Variants in DIP2C observed in about 807,000 individuals in gnomAD.
DIP2C encodes DIP2 acetate--CoA ligase C (putative).
Under a neutral mutation model 192.4 loss-of-function variants are expected in DIP2C, and 33 were observed. The ratio of observed to expected loss-of-function variants is 0.17; its 90% CI spans 0.13 to 0.23. The LOEUF (loss-of-function observed/expected upper bound fraction) is 0.23, where lower values mean the gene tolerates loss of function less well. DIP2C is among the 10% of genes least tolerant of loss of function. The pLI is 1.00. For synonymous variants in DIP2C, 979 were observed against 864.1 expected (o/e 1.13, Z -2.33); for missense variants, 1,537 against 2,110.1 (o/e 0.73, Z 5.32).
At chr10:290,192 G>C (rs1955419362) in intron 32 of DIP2C, among the ~76,000 whole-genome samples, 1 of 152,212 alleles carries the variant, frequency 6.6e-6, no homozygotes, top group African/African-American at 2.4e-5. Flanking sequence ...TAACTCTGTG[G>C]TGTCTGTCTT....
chr10:542,321 A>C (rs1455364949), intron 1 of DIP2C, among the ~76,000 whole-genome samples: 1 of 152,170 alleles, frequency 6.6e-6, no homozygotes, highest in Non-Finnish European at 1.5e-5. Context: ...CATGTCCCTC[A>C]ACAGATGCTC....
At chr10:472,698 G>A (rs543905476) in intron 2 of DIP2C, 149 bp from the exon 3 acceptor site, 175 of 665,790 alleles carry the variant, frequency 2.6e-4, no homozygotes, top group Non-Finnish European at 9.2e-5. Flanking sequence ...ACAGACAGGA[G>A]GGCCAGGACT....
At chr10:323,756 T>C (rs939708338) in intron 31 of DIP2C, among the ~76,000 whole-genome samples, 2 of 152,238 alleles carry the variant, frequency 1.3e-5, no homozygotes, top group African/African-American at 4.8e-5. Context: ...ATTCAATGTA[T>C]AGAAAATTCA....
chr10:449,400 C>T (rs1968645518), intron 3 of DIP2C, among the ~76,000 whole-genome samples: 1 of 152,050 alleles, frequency 6.6e-6, no homozygotes. Context: ...TTTTTAGTGA[C>T]TGCGGCTATC....
intron 1 of DIP2C, among the ~76,000 whole-genome samples, chr10:687,476 C>T (rs1403160774): frequency 6.6e-6 from 1 of 152,322 alleles, no homozygotes; most frequent in African/African-American, 2.4e-5. Context: ...ACCCTTTCTT[C>T]TTAAATGTGT....
At chr10:524,279 T>TGTGTGAGGCCTGGAAC (rs1554890555) in intron 1 of DIP2C, among the ~76,000 whole-genome samples, 2 of 152,140 alleles carry the variant, frequency 1.3e-5, no homozygotes, top group Non-Finnish European at 2.9e-5. Context: ...TGGTACAGAC[T>TGTGTGAGGCCTGGAAC]GTGTGAGGCC....
chr10:529,538 G>A (rs563206668), intron 1 of DIP2C, among the ~76,000 whole-genome samples: 2 of 152,268 alleles, frequency 1.3e-5, no homozygotes, highest in Middle Eastern at 3.4e-3. Flanking sequence ...AGTGAGCTAT[G>A]TATCCAAAAG....
rs1850628656 is a variant in DIP2C at position 581,193 on chromosome 10, T to G, written c.86-94663A>C. On this transcript the variant is annotated intron_variant, in intron 1 of 36. Transcript: ENST00000280886. ...TGGCCACTTAGACGCTTTCTGATACTTACTCTAGTCTACTTGTTTCCCTTT... is the reference window on the plus strand; with the variant it reads ...TGGCCACTTAGACGCTTTCTGATACGTACTCTAGTCTACTTGTTTCCCTTT... 7.2e-5 allele frequency among the ~76,000 whole-genome samples: 11 copies of G among 152,210 alleles called. No homozygotes were observed. In the South Asian group the frequency reaches 1.7e-3, roughly 23 times the overall value.
chr10:539,857 C>CA (rs1342730148), intron 1 of DIP2C, among the ~76,000 whole-genome samples: 1 of 152,200 alleles, frequency 6.6e-6, no homozygotes, highest in Non-Finnish European at 1.5e-5. Flanking sequence ...CAGGATAAAG[C>CA]AGACCTACAA....
At chr10:570,143 T>C (rs1849692305) in intron 1 of DIP2C, among the ~76,000 whole-genome samples, 1 of 152,192 alleles carries the variant, frequency 6.6e-6, no homozygotes, top group African/African-American at 2.4e-5. Flanking sequence ...TGTGGCTTCA[T>C]CAGGCACAAA....
rs180928826 is a variant in DIP2C, at chr10:379,944, A to T, written c.1991+2703T>A. On this transcript the variant is annotated intron_variant, in intron 17 of 36. Transcript: ENST00000280886. The stretch of plus-strand genomic sequence containing the variant: ...ACAGGCAGAAAAGGCTGTCCCTGGA[A>T]GATGGTTAACGTGCAGAAGAGGATG... 5.1e-3 allele frequency among the ~76,000 whole-genome samples: 765 copies of T among 150,280 alleles called. 2 individuals are homozygous for T. Among genetic ancestry groups the T allele is most frequent in the East Asian group, 0.012 (62 of 4,984 alleles).
intron 1 of DIP2C, among the ~76,000 whole-genome samples, chr10:553,843 A>C (rs1848705994): frequency 6.6e-6 from 1 of 152,250 alleles, no homozygotes; most frequent in African/African-American, 2.4e-5. Flanking sequence ...CTCATAGGAA[A>C]AAACGTATAC....
At chr10:518,520 C>A (rs949782816) in intron 1 of DIP2C, among the ~76,000 whole-genome samples, 2 of 152,186 alleles carry the variant, frequency 1.3e-5, no homozygotes, top group African/African-American at 4.8e-5. Context: ...GAAGCTGGAG[C>A]CCCATGAATG....
In DIP2C at chr10:376,454, G is replaced by A. The variant is rs180837714; in HGVS notation, c.1991+6193C>T. ...TTGCTTCTTTGGGAACACGCATTCC[G>A]GTTCCAGACAAAATGCGAAGTTACC... is the stretch of plus-strand genomic sequence containing the variant. On this transcript the variant is annotated intron_variant, in intron 17 of 36. Transcript: ENST00000280886. Among the ~76,000 whole-genome samples the A allele has an allele frequency of 2.2e-4, 33 of 152,196 alleles. 1 individual carries two copies. In the East Asian group the frequency reaches 2.7e-3, roughly 12 times the overall value.
intron 32 of DIP2C, among the ~76,000 whole-genome samples, chr10:307,570 C>T (rs957420158): frequency 3.3e-5 from 5 of 152,022 alleles, no homozygotes; most frequent in African/African-American, 4.8e-5. Flanking sequence ...AAGACTGGGA[C>T]GCCGCTGAGA....
rs1564685102 is a variant in DIP2C, at chr10:417,741, AGGGCTCG to A, written c.739+1317_739+1323del. Among the ~76,000 whole-genome samples, 485 of 129,126 alleles carry A rather than the reference AGGGCTCG, an allele frequency of 3.8e-3. 59 individuals are homozygous for A. Among genetic ancestry groups the A allele is most frequent in the Admixed American group, 5.1e-3 (67 of 13,214 alleles). The allele number at this position is 129,126 out of a possible 152,430, so 84.7% of individuals were successfully genotyped here. On this transcript the variant is annotated intron_variant, in intron 6 of 36. Coordinates refer to ENST00000280886, the MANE Select transcript of DIP2C (RefSeq NM_014974.3). Reference sequence around the variant, plus strand: ...GCCTCCCTGTCTGCCTGCGCCTGTCAGGGCTCGGATAGGCATCCCTGTCCACCTGCAC... The same window carrying A: ...GCCTCCCTGTCTGCCTGCGCCTGTCAGATAGGCATCCCTGTCCACCTGCAC...
At chr10:562,661 A>G (rs1313904007) in intron 1 of DIP2C, among the ~76,000 whole-genome samples, 1 of 152,256 alleles carries the variant, frequency 6.6e-6, no homozygotes, top group African/African-American at 2.4e-5. Flanking sequence ...CTAAACATTT[A>G]TAACAGGGTC....
chr10:556,149 G>C (rs186667060), intron 1 of DIP2C, among the ~76,000 whole-genome samples: 3,365 of 50,706 alleles, frequency 0.066, 208 homozygotes, highest in African/African-American at 0.17. Flanking sequence ...AGCCGGATCC[G>C]AGGACGGCAC....
At chr10:461,353 AT>A (rs1180411695) in intron 3 of DIP2C, among the ~76,000 whole-genome samples, 1 of 152,214 alleles carries the variant, frequency 6.6e-6, no homozygotes, top group Non-Finnish European at 1.5e-5. Context: ...ATGGAGGAAT[AT>A]TTACAAAGCA....
Sources: gnomAD v4.1 joint callset for allele counts (sites outside exome capture counted in the v4.1 genomes callset) on GRCh38, gnomAD v4.1.1 for gene constraint, MANE v1.5 for transcripts, NCBI Gene and HGNC (gene_info 2026-07-23, HGNC 2026-07-21) for gene names.